Variants in PATJ observed in about 807,000 individuals in gnomAD.
The protein encoded by PATJ is inaD-like protein.
PATJ carries 190 observed loss-of-function variants against 224.9 expected under a neutral mutation model. The observed-to-expected ratio is 0.84, with a 90% confidence interval of 0.75 to 0.95. PATJ has a LOEUF of 0.95. PATJ is among the 40% of genes least tolerant of loss of function. The pLI, the probability that PATJ is intolerant of heterozygous loss-of-function variation, is 0.00. For synonymous variants in PATJ, 769 were observed against 820.3 expected, an observed-to-expected ratio of 0.94 and a Z score of 1.07; for missense variants, 2,121 against 2,270.3, an observed-to-expected ratio of 0.93 and a Z score of 1.34.
At chr1:61,827,252 T>G (rs1311865371) in intron 15 of PATJ, among the ~76,000 whole-genome samples, 170 bp from the exon 16 acceptor site, 1 of 152,164 alleles carries the variant, frequency 6.6e-6, no homozygotes, top group African/African-American at 2.4e-5. Flanking sequence ...TCTAACATTT[T>G]TATTTGCATA....
intron 20 of PATJ, among the ~76,000 whole-genome samples, chr1:61,871,456 C>CGT: frequency 2.6e-5 from 1 of 38,698 alleles, no homozygotes; most frequent in South Asian, 4.9e-4. Flanking sequence ...CATATATATG[C>CGT]GTATATATAT....
At chr1:61,817,411 C>G (rs537451314) in intron 14 of PATJ, among the ~76,000 whole-genome samples, 1 of 152,142 alleles carries the variant, frequency 6.6e-6, no homozygotes, top group South Asian at 2.1e-4. Flanking sequence ...CGCCTGTAAT[C>G]CTAGCACTTT....
chr1:62,084,311 G>A (rs1021376895), intron 32 of PATJ, among the ~76,000 whole-genome samples: 2 of 152,152 alleles, frequency 1.3e-5, no homozygotes, highest in African/African-American at 4.8e-5. Flanking sequence ...GATGGGTTGA[G>A]GGGTGGGAGT....
At chr1:62,034,265 A>G (rs1649906495) in intron 29 of PATJ, among the ~76,000 whole-genome samples, 1 of 152,044 alleles carries the variant, frequency 6.6e-6, no homozygotes, top group African/African-American at 2.4e-5. Flanking sequence ...CAACATGGTG[A>G]TACTCCATCT....
chr1:62,019,127 C>T (rs1646935900), intron 29 of PATJ, among the ~76,000 whole-genome samples: 1 of 151,750 alleles, frequency 6.6e-6, no homozygotes. Flanking sequence ...CAACTCTACT[C>T]CCAGCTACTC....
At chr1:62,066,647 C>T (rs1420476169) in intron 31 of PATJ, among the ~76,000 whole-genome samples, 2 of 152,150 alleles carry the variant, frequency 1.3e-5, no homozygotes, top group Non-Finnish European at 2.9e-5. Flanking sequence ...TAAGTATATT[C>T]CTCCTGCCAA....
intron 7 of PATJ, among the ~76,000 whole-genome samples, chr1:61,783,782 C>G (rs552757775): frequency 2.5e-4 from 31 of 121,704 alleles, no homozygotes; most frequent in African/African-American, 9.2e-4. Context: ...GGGTGTTGCT[C>G]TGTTGCTCAG....
intron 21 of PATJ, among the ~76,000 whole-genome samples, chr1:61,878,247 A>G (rs528598691): frequency 5.3e-5 from 8 of 152,092 alleles, no homozygotes; most frequent in Non-Finnish European, 1.2e-4. Context: ...CAGTGTCCTC[A>G]GTGAGGGGGA....
rs893400243 is a variant in PATJ at position 61,810,881 on chromosome 1, G to A, written c.1683+2351G>A. ...GGATGTTGCAATGAGCTGAGATCGC[G>A]CCATTGCATTTCAGCCTGGGCAACA... On this transcript the variant is annotated intron_variant, in intron 14 of 43. Coordinates refer to ENST00000642238, the MANE Select transcript of PATJ (RefSeq NM_001350145.3). Among the ~76,000 whole-genome samples the A allele has an allele frequency of 6.6e-5, 10 of 151,858 alleles. 1 individual carries two copies. Among genetic ancestry groups the A allele is most frequent in the East Asian group, 3.9e-4 (2 of 5,180 alleles).
rs557840282 is a variant in PATJ at position 61,841,082 on chromosome 1, G to A, written c.2112+7297G>A. Among the ~76,000 whole-genome samples, 249 of 152,172 alleles carry A rather than the reference G, an allele frequency of 1.6e-3. 3 individuals carry two copies. The highest frequency in any genetic ancestry group is 5.4e-3 in the African/African-American group (224 of 41,546). ...GGCGGTAATTAATTTATTGGCCTTT[G>A]TAGCTAAGTGGGCATAAAGTGTTTA... On this transcript the variant is annotated intron_variant, in intron 17 of 43. Coordinates refer to ENST00000642238, the MANE Select transcript of PATJ (RefSeq NM_001350145.3).
intron 1 of PATJ, among the ~76,000 whole-genome samples, chr1:61,745,604 A>G (rs2148131321): frequency 7.2e-6 from 1 of 138,084 alleles, no homozygotes; most frequent in East Asian, 2.2e-4. Flanking sequence ...TATTTTAATT[A>G]ATTAATTTAT....
rs1014065929 is a variant in PATJ, at chr1:61,994,682, G to C, written c.3867+4318G>C. Reference sequence around the variant, plus strand: ...CAATTCTCCTGCCTCAGCCTCCCAAGTAGCTGGGATTACAGGTGCATGCCA... The same window carrying C: ...CAATTCTCCTGCCTCAGCCTCCCAACTAGCTGGGATTACAGGTGCATGCCA... On this transcript the variant is annotated intron_variant, in intron 28 of 43. Coordinates refer to ENST00000642238, the MANE Select transcript of PATJ (RefSeq NM_001350145.3). Among the ~76,000 whole-genome samples, 2 of 151,990 alleles carry C rather than the reference G, an allele frequency of 1.3e-5. 1 individual carries two copies. The highest frequency in any genetic ancestry group is 4.2e-4 in the South Asian group (2 of 4,818).
At position 62,103,706 on chromosome 1, in the gene PATJ, A is replaced by T. The variant is rs545735072; in HGVS notation, c.4378-4731A>T. 4.6e-5 allele frequency among the ~76,000 whole-genome samples: 7 copies of T among 151,388 alleles called. No individual in the cohort carries two copies. The South Asian group carries it at 8.4e-4, about 18-fold the overall frequency. On this transcript the variant is annotated intron_variant, in intron 33 of 43. Coordinates refer to ENST00000642238, the MANE Select transcript of PATJ (RefSeq NM_001350145.3). Reference sequence around the variant, plus strand: ...GAGGTGGAGGTTGCAGTGAGCCGAGATTGCACCATTGCACTCCAGCCTGGG... The same window carrying T: ...GAGGTGGAGGTTGCAGTGAGCCGAGTTTGCACCATTGCACTCCAGCCTGGG...
At chr1:61,919,939 A>G (rs1674038949) in intron 26 of PATJ, among the ~76,000 whole-genome samples, 1 of 152,196 alleles carries the variant, frequency 6.6e-6, no homozygotes, top group Admixed American at 6.5e-5. Flanking sequence ...AAGGATAGCT[A>G]TTATTTAGTT....
chr1:61,746,058 C>T (rs1401931906), intron 1 of PATJ, among the ~76,000 whole-genome samples: 2 of 151,734 alleles, frequency 1.3e-5, no homozygotes, highest in Non-Finnish European at 2.9e-5. Context: ...CCTGGCTCAG[C>T]GTCACAACCT....
intron 28 of PATJ, among the ~76,000 whole-genome samples, chr1:62,006,265 C>G (rs977714619): frequency 6.6e-6 from 1 of 152,164 alleles, no homozygotes; most frequent in Non-Finnish European, 1.5e-5. Flanking sequence ...CAGGCGCATG[C>G]CGCCACACCC....
chr1:61,931,079 T>G (rs902542194), intron 27 of PATJ, among the ~76,000 whole-genome samples: 4 of 152,212 alleles, frequency 2.6e-5, no homozygotes. Flanking sequence ...CGGCTCAAAC[T>G]ATCCTTCCCA....
chr1:61,806,933 C>T (rs1653689713), intron 13 of PATJ, among the ~76,000 whole-genome samples: 1 of 152,058 alleles, frequency 6.6e-6, no homozygotes. Flanking sequence ...GGGTGGATCA[C>T]TTGAGGTCGG....
chr1:61,948,976 A>G (rs1163171899), intron 27 of PATJ, among the ~76,000 whole-genome samples: 1 of 151,138 alleles, frequency 6.6e-6, no homozygotes, highest in Non-Finnish European at 1.5e-5. Flanking sequence ...AGAAAACCAA[A>G]CACTGCATGT....
Sources: gnomAD v4.1 joint callset for allele counts (sites outside exome capture counted in the v4.1 genomes callset) on GRCh38, gnomAD v4.1.1 for gene constraint, MANE v1.5 for transcripts, NCBI Gene and HGNC (gene_info 2026-07-23, HGNC 2026-07-21) for gene names.